Variants in CPQ observed in about 807,000 individuals in gnomAD.
CPQ encodes the protein Ser-Met dipeptidase.
In CPQ, 37 loss-of-function variants were observed where a neutral mutation model predicts 45.7. The observed-to-expected ratio is 0.81, with a 90% CI of 0.62 to 1.07. The LOEUF is 1.07. CPQ is among the 50% of genes least tolerant of loss of function. The pLI, the probability that CPQ is intolerant of heterozygous loss-of-function variation, is 0.00. For synonymous variants in CPQ, 186 were observed against 205.8 expected (o/e 0.90, Z 0.82); for missense variants, 537 against 572.9 (o/e 0.94, Z 0.64).
intron 2 of CPQ, among the ~76,000 whole-genome samples, chr8:96,818,844 C>T (rs1310187349): frequency 6.6e-6 from 1 of 152,114 alleles, no homozygotes; most frequent in East Asian, 1.9e-4. Flanking sequence ...ATTCAATCCT[C>T]ATCAAATCCT....
intron 7 of CPQ, among the ~76,000 whole-genome samples, chr8:97,135,184 T>G (rs1197845845): frequency 1.3e-5 from 2 of 152,154 alleles, no homozygotes; most frequent in Admixed American, 1.3e-4. Context: ...TTAGCCCAAG[T>G]TTGGAGATTC....
intron 7 of CPQ, among the ~76,000 whole-genome samples, chr8:97,077,948 A>G (rs572659409): frequency 2.0e-5 from 3 of 152,372 alleles, no homozygotes; most frequent in Admixed American, 6.5e-5. Context: ...ATACTTTTGT[A>G]TAAGAAGGTA....
intron 4 of CPQ, among the ~76,000 whole-genome samples, chr8:96,920,143 C>A (rs147850101): frequency 1.3e-5 from 2 of 151,932 alleles, no homozygotes; most frequent in African/African-American, 2.4e-5. Flanking sequence ...CAATGCTGAG[C>A]GAATATTTGA....
At position 97,122,972 on chromosome 8, in the gene CPQ, AAAATAAAAT is replaced by A. The variant is rs1422147331; in HGVS notation, c.1256-20047_1256-20039del. ...AAAATAAAATAAAATAAAATAAAAT[AAAATAAAAT>A]TAAAATAAAATAAAATAAAATATAA... On this transcript the variant is annotated intron_variant, in intron 7 of 7. Transcript: ENST00000220763. 5.4e-3 allele frequency among the ~76,000 whole-genome samples: 328 copies of A among 60,234 alleles called. 26 individuals carry two copies. Among genetic ancestry groups the A allele is most frequent in the Non-Finnish European group, 6.2e-3 (212 of 34,348 alleles). The allele number at this position is 60,234 out of a possible 152,430, so 39.5% of individuals were successfully genotyped here.
intron 6 of CPQ, among the ~76,000 whole-genome samples, chr8:97,043,596 A>G (rs1264259158): frequency 6.6e-6 from 1 of 152,074 alleles, no homozygotes; most frequent in Non-Finnish European, 1.5e-5. Flanking sequence ...GGTCTTTACA[A>G]TTTGGCATGA....
chr8:96,960,918 T>A (rs1051192789), intron 4 of CPQ, among the ~76,000 whole-genome samples: 2 of 152,202 alleles, frequency 1.3e-5, no homozygotes. Flanking sequence ...TTTGTAATAG[T>A]CCATTGTATG....
Position 97,043,376 on chromosome 8 carries a change from G to A in CPQ, c.1053+13882G>A, listed in dbSNP as rs1810169074. 4.6e-5 allele frequency among the ~76,000 whole-genome samples: 7 copies of A among 151,778 alleles called. No homozygotes were observed. In the South Asian group the frequency reaches 1.5e-3, roughly 32 times the overall value. ...CCATCCTTTTATTTTGAGCCTATGT[G>A]TGTCTCTGCACGTGAGATGGGTTTC... On this transcript the variant is annotated intron_variant, in intron 6 of 7. Coordinates refer to ENST00000220763, the MANE Select transcript of CPQ (RefSeq NM_016134.4).
intron 1 of CPQ, among the ~76,000 whole-genome samples, chr8:96,778,198 T>TTTA (rs1810641398): frequency 1.3e-5 from 2 of 152,152 alleles, no homozygotes; most frequent in Admixed American, 1.3e-4. Context: ...TTATATCTTA[T>TTTA]GCTGGTTTTC....
At chr8:97,041,064 T>C (rs146035321) in intron 6 of CPQ, among the ~76,000 whole-genome samples, 2,885 of 152,314 alleles carry the variant, frequency 0.019, 96 homozygotes, top group African/African-American at 0.066. Context: ...AATCTATAAA[T>C]TGCCTTGGGC....
intron 5 of CPQ, among the ~76,000 whole-genome samples, chr8:97,005,362 G>A (rs1485329812): frequency 1.3e-5 from 2 of 151,798 alleles, no homozygotes; most frequent in African/African-American, 2.4e-5. Flanking sequence ...TTACAGGCAT[G>A]AGGCACCGCT....
At chr8:96,673,791 A>G (rs1282596152) in intron 1 of CPQ, among the ~76,000 whole-genome samples, 2 of 152,150 alleles carry the variant, frequency 1.3e-5, no homozygotes, top group Non-Finnish European at 2.9e-5. Flanking sequence ...AGCTGACTAG[A>G]TAGCTGTGGG....
In CPQ at chr8:96,923,203, C is replaced by G. The variant is rs145639766; in HGVS notation, c.850-42732C>G. On this transcript the variant is annotated intron_variant, in intron 4 of 7. Transcript: ENST00000220763. The stretch of plus-strand genomic sequence containing the variant: ...CCATTTGACTATACCTCTATGATCT[C>G]TTGCCACTGAATATAGAAAAGGAGT... Among the ~76,000 whole-genome samples the G allele has an allele frequency of 1.1e-3, 170 of 152,260 alleles. 4 individuals carry two copies. The East Asian group carries it at 0.03, about 26-fold the overall frequency.
chr8:96,903,833 G>GA (rs1027618588), intron 4 of CPQ, among the ~76,000 whole-genome samples: 1 of 152,090 alleles, frequency 6.6e-6, no homozygotes. Flanking sequence ...GCCATATGGA[G>GA]AAAAAAATAT....
At chr8:97,046,104 T>G (rs1810251103) in intron 6 of CPQ, among the ~76,000 whole-genome samples, 1 of 152,246 alleles carries the variant, frequency 6.6e-6, no homozygotes, top group Non-Finnish European at 1.5e-5. Context: ...AATCCTGTGG[T>G]GTCTTAAAGA....
At chr8:97,049,912 T>C (rs1471653149) in intron 6 of CPQ, among the ~76,000 whole-genome samples, 1 of 152,232 alleles carries the variant, frequency 6.6e-6, no homozygotes, top group East Asian at 1.9e-4. Context: ...GGTGTACCCT[T>C]GTGGTTGGCA....
At chr8:96,773,966 G>T (rs1359628033) in intron 1 of CPQ, among the ~76,000 whole-genome samples, 2 of 152,056 alleles carry the variant, frequency 1.3e-5, no homozygotes, top group Non-Finnish European at 2.9e-5. Flanking sequence ...TAATACTGTT[G>T]CAGGGGATTA....
At chr8:97,128,503 G>A (rs1401299135) in intron 7 of CPQ, among the ~76,000 whole-genome samples, 1 of 152,120 alleles carries the variant, frequency 6.6e-6, no homozygotes, top group East Asian at 1.9e-4. Context: ...TGGCCAACTC[G>A]GTGAAACCTC....
chr8:96,794,565 G>A (rs1464138978), intron 2 of CPQ, among the ~76,000 whole-genome samples: 16 of 152,146 alleles, frequency 1.1e-4, no homozygotes, highest in Non-Finnish European at 1.0e-4. Context: ...TTAACATTCA[G>A]CTCCTCATTA....
intron 1 of CPQ, among the ~76,000 whole-genome samples, chr8:96,684,839 G>A (rs559430771): frequency 4.6e-5 from 7 of 152,120 alleles, no homozygotes; most frequent in East Asian, 1.9e-4. Flanking sequence ...GGTGGCTCAC[G>A]CCTGTCTCCC....
Sources: allele counts gnomAD v4.1 joint callset (sites outside exome capture counted in the v4.1 genomes callset), GRCh38; gene constraint gnomAD v4.1.1; transcripts MANE v1.5; gene names NCBI Gene and HGNC (gene_info 2026-07-23, HGNC 2026-07-21).